LIMS1: variants seen among roughly 807,000 people sequenced by gnomAD.
LIMS1 encodes the protein LIM and senescent cell antigen-like-containing domain protein 1.
In LIMS1, 18 loss-of-function variants were observed where a neutral mutation model predicts 44.1. The observed-to-expected ratio is 0.41, with a 90% confidence interval of 0.28 to 0.61. LIMS1 has a LOEUF of 0.61. LIMS1 is among the 20% of genes least tolerant of loss of function. LIMS1 has a pLI of 0.32. For synonymous variants in LIMS1, 93 were observed against 149.1 expected, an observed-to-expected ratio of 0.62 and a Z score of 2.74; for missense variants, 201 against 422.0, an observed-to-expected ratio of 0.48 and a Z score of 4.59.
Position 108,676,116 on chromosome 2 carries a change from G to T in LIMS1, c.681+88G>T, listed in dbSNP as rs190253133. ...ATACTTTCAGATCTCCCATGATTCA[G>T]GGGTAACCAGTACTTTCAAATCTTC... On this transcript the variant is annotated intron_variant, in intron 6 of 9. Coordinates refer to ENST00000544547, the Ensembl canonical transcript of LIMS1. 2.8e-6 allele frequency: 4 copies of T among 1,434,340 alleles called. No homozygotes were observed. In the African/African-American group the frequency reaches 4.3e-5, roughly 15 times the overall value. 88.9% of individuals were successfully genotyped at this position (1,434,340 alleles called of 1,614,324 possible).
chr2:108,534,261 G>GCGCCCCGCCCCGGAA (rs1684030571), upstream of LIMS1: 2 of 165,686 alleles, frequency 1.2e-5, no homozygotes, highest in African/African-American at 4.8e-5. Flanking sequence ...GGTCTGATGC[G>GCGCCCCGCCCCGGAA]CGCCCCGCCC....
At chr2:108,563,307 T>A (rs975224436) in intron 1 of LIMS1, among the ~76,000 whole-genome samples, 1 of 152,248 alleles carries the variant, frequency 6.6e-6, no homozygotes, top group Admixed American at 6.5e-5. Flanking sequence ...CTGCTGCAGA[T>A]GGTGATTCCT....
chr2:108,677,654 C>T (rs1692662457), intron 7 of LIMS1, among the ~76,000 whole-genome samples: 2 of 152,166 alleles, frequency 1.3e-5, no homozygotes, highest in Admixed American at 6.5e-5. Context: ...TAGTCTGGTC[C>T]TCAGCGCTCT....
intron 1 of LIMS1, among the ~76,000 whole-genome samples, chr2:108,596,915 G>GTTTTTT (rs34313967): frequency 1.5e-5 from 1 of 68,474 alleles, no homozygotes; most frequent in Non-Finnish European, 2.7e-5. Context: ...CGAAACATCT[G>GTTTTTT]TTTTTTTTTT....
chr2:108,639,433 A>G (rs1194783883), intron 1 of LIMS1, among the ~76,000 whole-genome samples: 5 of 152,222 alleles, frequency 3.3e-5, no homozygotes, highest in African/African-American at 4.8e-5. Context: ...TTAAGATCAT[A>G]TATCATATAT....
chr2:108,600,216 A>AT (rs1174659715), intron 1 of LIMS1, among the ~76,000 whole-genome samples: 2 of 150,192 alleles, frequency 1.3e-5, no homozygotes, highest in Non-Finnish European at 1.5e-5. Flanking sequence ...CGCCCGGCTG[A>AT]TTTTTTGTAT....
chr2:108,679,760 A>AAAAATT (rs1282631332), intron 8 of LIMS1, among the ~76,000 whole-genome samples: 2 of 151,646 alleles, frequency 1.3e-5, no homozygotes, highest in Non-Finnish European at 2.9e-5. Context: ...TCTACAAAAT[A>AAAAATT]AAAAATTAGC....
exon 2 of LIMS1, chr2:108,659,662 G>T (rs533409674): frequency 1.5e-5 from 24 of 1,612,174 alleles, no homozygotes; most frequent in Non-Finnish European, 1.6e-5. Context: ...GCGGCTTTGC[G>T]CCCGCTGAGA....
intron 1 of LIMS1, among the ~76,000 whole-genome samples, chr2:108,639,960 C>T (rs891383108): frequency 7.9e-4 from 121 of 152,294 alleles, no homozygotes; most frequent in African/African-American, 2.8e-3. Flanking sequence ...CACATCCATG[C>T]GCACGGGCTC....
At chr2:108,639,008 A>G (rs1573520346) in intron 1 of LIMS1, among the ~76,000 whole-genome samples, 1 of 151,902 alleles carries the variant, frequency 6.6e-6, no homozygotes, top group African/African-American at 2.4e-5. Context: ...GCGCTACTGC[A>G]CTCCAGCGTG....
intron 1 of LIMS1, among the ~76,000 whole-genome samples, chr2:108,583,414 A>G (rs1352034057): frequency 1.3e-5 from 2 of 152,092 alleles, no homozygotes; most frequent in Non-Finnish European, 2.9e-5. Flanking sequence ...GGGCATATAC[A>G]TAGAGATGAG....
At chr2:108,558,452 G>T (rs543943820) in intron 1 of LIMS1, among the ~76,000 whole-genome samples, 2 of 151,522 alleles carry the variant, frequency 1.3e-5, no homozygotes, top group South Asian at 2.1e-4. Flanking sequence ...CTCGTGATCC[G>T]CCTGCCTCAG....
intron 1 of LIMS1, among the ~76,000 whole-genome samples, chr2:108,558,561 C>T (rs547822418): frequency 1.3e-5 from 2 of 151,932 alleles, no homozygotes; most frequent in Non-Finnish European, 2.9e-5. Flanking sequence ...TGGCATTTCT[C>T]GTCTTTTGTT....
At chr2:108,536,258 A>G (rs1684136873) in intron 1 of LIMS1, among the ~76,000 whole-genome samples, 1 of 152,204 alleles carries the variant, frequency 6.6e-6, no homozygotes, top group Non-Finnish European at 1.5e-5. Flanking sequence ...TAACCATCAT[A>G]CATGTCCAGA....
intron 1 of LIMS1, among the ~76,000 whole-genome samples, chr2:108,590,755 C>T (rs537391302): frequency 2.6e-5 from 4 of 152,336 alleles, no homozygotes; most frequent in African/African-American, 9.6e-5. Context: ...CATTGCCTTT[C>T]CATCTCACCT....
intron 1 of LIMS1, among the ~76,000 whole-genome samples, chr2:108,621,810 A>ATG (rs2148874257): frequency 6.6e-6 from 1 of 152,148 alleles, no homozygotes; most frequent in South Asian, 2.1e-4. Flanking sequence ...TGATTGGAAC[A>ATG]TGTTTTTGTC....
intron 1 of LIMS1, among the ~76,000 whole-genome samples, chr2:108,603,460 C>T (rs995290025): frequency 4.2e-5 from 6 of 144,492 alleles, no homozygotes; most frequent in African/African-American, 1.5e-4. Context: ...CTTTGAATTT[C>T]TGCAGTATCA....
At chr2:108,606,015 T>A (rs1687251408) in intron 1 of LIMS1, among the ~76,000 whole-genome samples, 1 of 152,208 alleles carries the variant, frequency 6.6e-6, no homozygotes. Context: ...CGGGCCCAAG[T>A]ACCAGGTTCC....
At chr2:108,566,669 T>C (rs1685301968) in intron 1 of LIMS1, among the ~76,000 whole-genome samples, 1 of 152,178 alleles carries the variant, frequency 6.6e-6, no homozygotes, top group Non-Finnish European at 1.5e-5. Flanking sequence ...TGATCTCAGC[T>C]TACTGCAACC....
Sources: gnomAD v4.1 joint callset for allele counts (sites outside exome capture counted in the v4.1 genomes callset) on GRCh38, gnomAD v4.1.1 for gene constraint, MANE v1.5 for transcripts, NCBI Gene and HGNC (gene_info 2026-07-23, HGNC 2026-07-21) for gene names.